COL6A5: variants seen among roughly 807,000 people sequenced by gnomAD.
COL6A5 encodes collagen alpha-5(VI) chain.
A neutral mutation model predicts 65.6 loss-of-function variants in COL6A5; 48 were observed. That is an observed-to-expected ratio of 0.73 (90% confidence interval 0.58 to 0.93). The LOEUF (loss-of-function observed/expected upper bound fraction) is 0.93, where lower values mean the gene tolerates loss of function less well. Among genes scored for constraint, COL6A5 ranks in the 40% least tolerant of loss-of-function variants. The pLI is 0.00. For missense variants in COL6A5, 914 were observed against 928.3 expected, an observed-to-expected ratio of 0.98 and a Z score of 0.20; for synonymous variants, 291 against 322.8, an observed-to-expected ratio of 0.90 and a Z score of 1.05.
intron 10 of COL6A5, among the ~76,000 whole-genome samples, chr3:130,400,655 G>T (rs988449625): frequency 2.6e-5 from 4 of 152,208 alleles, no homozygotes; most frequent in Non-Finnish European, 4.4e-5. Flanking sequence ...ATTCAGCAAA[G>T]CTCTCTGGAG....
chr3:130,383,387 A>C (rs974537812), intron 4 of COL6A5, among the ~76,000 whole-genome samples: 3 of 152,080 alleles, frequency 2.0e-5, no homozygotes, highest in Admixed American at 6.6e-5. Flanking sequence ...GCATTGCTAC[A>C]GTTACCTACT....
chr3:130,367,766 A>C (rs1364954295), intron 1 of COL6A5, among the ~76,000 whole-genome samples: 2 of 152,264 alleles, frequency 1.3e-5, no homozygotes, highest in African/African-American at 2.4e-5. Context: ...TATAAGGTCC[A>C]GTGAGACTAC....
At chr3:130,398,428 C>T (rs536755745) in intron 10 of COL6A5, among the ~76,000 whole-genome samples, 3 of 152,272 alleles carry the variant, frequency 2.0e-5, no homozygotes, top group South Asian at 2.1e-4. Context: ...CCGCGCCCAG[C>T]CGAGTTGAAA....
At chr3:130,433,830 A>G (rs1247418791) in intron 1 of COL6A5, among the ~76,000 whole-genome samples, 1 of 151,708 alleles carries the variant, frequency 6.6e-6, no homozygotes, top group East Asian at 1.9e-4. Flanking sequence ...ATTTTTTCAT[A>G]TGTTTATTGC....
intron 5 of COL6A5, among the ~76,000 whole-genome samples, chr3:130,388,186 C>T (rs1013387001): frequency 6.6e-6 from 1 of 151,962 alleles, no homozygotes; most frequent in Admixed American, 6.6e-5. Context: ...ACATAAAACC[C>T]TGGAGTGTTA....
chr3:130,397,572 T>A lies in COL6A5; in HGVS notation c.3569-11T>A. 2 of 1,535,150 alleles carry A rather than the reference T, an allele frequency of 1.3e-6. No homozygotes were observed. Among genetic ancestry groups the A allele is most frequent in the South Asian group, 1.2e-5 (1 of 82,176 alleles). On this transcript the variant is annotated splice_polypyrimidine_tract_variant and intron_variant and NMD_transcript_variant, in intron 8 of 41. Coordinates refer to the COL6A5 transcript ENST00000312481. Reference sequence around the variant, plus strand: ...ACTCGTTAATCTTGACTCTGTTCCCTTGGTTTCTAGATTGCTTTATGGACA... The same window carrying A: ...ACTCGTTAATCTTGACTCTGTTCCCATGGTTTCTAGATTGCTTTATGGACA...
chr3:130,378,851 C>A (rs527657442), intron 3 of COL6A5, among the ~76,000 whole-genome samples: 12 of 152,288 alleles, frequency 7.9e-5, no homozygotes, highest in African/African-American at 2.6e-4. Flanking sequence ...TCAGTCAAGT[C>A]ACCTGTTTTA....
intron 1 of COL6A5, among the ~76,000 whole-genome samples, chr3:130,361,319 T>C (rs1393036980): frequency 6.6e-6 from 1 of 152,110 alleles, no homozygotes; most frequent in Non-Finnish European, 1.5e-5. Context: ...CAGAATGTCA[T>C]ACAGTTGTAA....
chr3:130,409,991 T>G lies in COL6A5; in HGVS notation c.4543-18T>G. 6.6e-7 allele frequency: 1 copy of G among 1,521,400 alleles called. No individual in the cohort carries two copies. Among genetic ancestry groups the G allele is most frequent in the Non-Finnish European group, 8.9e-7 (1 of 1,121,512 alleles). 94.2% of individuals were successfully genotyped at this position (1,521,400 alleles called of 1,614,324 possible). On this transcript the variant is annotated intron_variant and NMD_transcript_variant, in intron 18 of 41. Transcript: ENST00000312481. Reference sequence around the variant, plus strand: ...GATATTTCTGGATTCTAAACTACTTTTAAAAATCTTTCTCTAGGGTAATCC... The same window carrying G: ...GATATTTCTGGATTCTAAACTACTTGTAAAAATCTTTCTCTAGGGTAATCC...
Position 130,410,471 on chromosome 3 carries a change from G to A in COL6A5, c.4609G>A (p.Gly1537Ser), listed in dbSNP as rs1411828064. Residue 1537 changes from glycine (G) to serine (S), a missense_variant and splice_region_variant and NMD_transcript_variant, in exon 20 of 42, where the codon GGT becomes AGT. Coordinates refer to the COL6A5 transcript ENST00000312481. Reference sequence around the variant, plus strand: ...CTTGAGGAAATTATTATATTTTTAGGGTAGAAGTGGACAGAAAGGGGTGCA... The same window carrying A: ...CTTGAGGAAATTATTATATTTTTAGAGTAGAAGTGGACAGAAAGGGGTGCA... The A allele has an allele frequency of 3.2e-6, 5 of 1,549,462 alleles. No individual in the cohort carries two copies. The highest frequency in any genetic ancestry group is 3.5e-6 in the Non-Finnish European group (4 of 1,145,326).
At chr3:130,476,478 C>G (rs555548874) in intron 7 of COL6A5, among the ~76,000 whole-genome samples, 1 of 152,118 alleles carries the variant, frequency 6.6e-6, no homozygotes, top group Non-Finnish European at 1.5e-5. Context: ...CCAAACTTGT[C>G]TATACATTAG....
At chr3:130,383,009 G>A (rs533035958) in intron 4 of COL6A5, among the ~76,000 whole-genome samples, 1 of 152,102 alleles carries the variant, frequency 6.6e-6, no homozygotes, top group East Asian at 1.9e-4. Context: ...AGTTACTGTA[G>A]TTTTACAATT....
exon 4 of COL6A5, chr3:130,380,004 G>A (rs1250268997): frequency 6.5e-7 from 1 of 1,549,394 alleles, no homozygotes; most frequent in African/African-American, 1.4e-5. Context: ...ATGAAATATG[G>A]TCCCAAATTT....
chr3:130,419,654 A>C (rs1446592164), intron 25 of COL6A5, among the ~76,000 whole-genome samples: 1 of 152,170 alleles, frequency 6.6e-6, no homozygotes, highest in Non-Finnish European at 1.5e-5. Flanking sequence ...GAAGTGAAAT[A>C]AACCAGGCAT....
At chr3:130,434,978 A>G (rs1937980486) in intron 1 of COL6A5, among the ~76,000 whole-genome samples, 2 of 152,066 alleles carry the variant, frequency 1.3e-5, no homozygotes, top group Non-Finnish European at 2.9e-5. Context: ...CTTTCGTTGC[A>G]ACTGCTTTTG....
At chr3:130,466,275 T>C (rs1254709344) in intron 5 of COL6A5, among the ~76,000 whole-genome samples, 5 of 152,056 alleles carry the variant, frequency 3.3e-5, no homozygotes, top group African/African-American at 1.2e-4. Flanking sequence ...ATGTGTTCTC[T>C]GACTGAAACA....
intron 7 of COL6A5, chr3:130,476,938 C>T (rs1710114730): frequency 1.4e-6 from 1 of 728,760 alleles, no homozygotes; most frequent in South Asian, 1.5e-5. Context: ...TCCCTGAAGC[C>T]AATCTGAGTC....
At chr3:130,387,911 AACAT>A (rs1394509127) in intron 5 of COL6A5, among the ~76,000 whole-genome samples, 1 of 152,014 alleles carries the variant, frequency 6.6e-6, no homozygotes, top group South Asian at 2.1e-4. Flanking sequence ...TAGAACAATG[AACAT>A]ACATATGTGT....
chr3:130,362,419 C>T (rs1408429035), intron 1 of COL6A5, among the ~76,000 whole-genome samples: 1 of 148,294 alleles, frequency 6.7e-6, no homozygotes, highest in Admixed American at 6.8e-5. Flanking sequence ...ATAGCATTTG[C>T]TGCTTTGTCA....
Sources: gnomAD v4.1 joint callset for allele counts (sites outside exome capture counted in the v4.1 genomes callset) on GRCh38, gnomAD v4.1.1 for gene constraint, MANE v1.5 for transcripts, NCBI Gene and HGNC (gene_info 2026-07-23, HGNC 2026-07-21) for gene names.